IFT140: variants seen among roughly 807,000 people sequenced by gnomAD.
IFT140 encodes the protein intraflagellar transport protein 140 homolog.
Under a neutral mutation model 164.6 loss-of-function variants are expected in IFT140, and 133 were observed. The ratio of observed to expected loss-of-function variants is 0.81; its 90% confidence interval spans 0.70 to 0.93. The LOEUF (loss-of-function observed/expected upper bound fraction) is 0.93. Ranked by LOEUF, IFT140 falls within the 40% of genes least tolerant of loss-of-function variation. IFT140 has a pLI of 0.00. For missense variants in IFT140, 2,045 were observed against 1,972.3 expected, an observed-to-expected ratio of 1.04 and a Z score of -0.70; for synonymous variants, 860 against 817.3, an observed-to-expected ratio of 1.05 and a Z score of -0.89.
chr16:1,584,194 C>A (rs1385885501), intron 11 of IFT140, 23 bp downstream of exon 11: 1 of 1,604,886 alleles, frequency 6.2e-7, no homozygotes, highest in South Asian at 1.1e-5. Flanking sequence ...TGTGTCCCAC[C>A]CACGGGTCCC....
At position 1,563,921 on chromosome 16, in the gene IFT140, C is replaced by T. The variant is rs1421349370; in HGVS notation, c.2067+76G>A. 4.9e-6 allele frequency: 7 copies of T among 1,415,804 alleles called. No homozygotes were observed. In the East Asian group the frequency reaches 1.8e-4, roughly 36 times the overall value. The allele number at this position is 1,415,804 out of a possible 1,614,324, so 87.7% of individuals were successfully genotyped here. On this transcript the variant is annotated intron_variant, in intron 17 of 30. Coordinates refer to ENST00000426508, the MANE Select transcript of IFT140 (RefSeq NM_014714.4). The stretch of plus-strand genomic sequence containing the variant: ...GGATCACAGGCGTGAGCCACCGTGC[C>T]CAGCCCATGAAGATCTTAAGTCTGT...
At chr16:1,595,658 G>T (rs995044144) in intron 4 of IFT140, among the ~76,000 whole-genome samples, 1 of 150,510 alleles carries the variant, frequency 6.6e-6, no homozygotes, top group Admixed American at 6.6e-5. Flanking sequence ...GGTTTTGCAA[G>T]ATCTATTAAA....
At chr16:1,513,864 G>T (rs35773761) in intron 30 of IFT140, among the ~76,000 whole-genome samples, 1 of 138,278 alleles carries the variant, frequency 7.2e-6, no homozygotes, top group African/African-American at 2.8e-5. Flanking sequence ...TAGTAGAGAC[G>T]GGGTTTCACC....
chr16:1,566,376 A>T, intron 15 of IFT140, 85 bp from the exon 16 acceptor site: 1 of 1,365,886 alleles, frequency 7.3e-7, no homozygotes, highest in Non-Finnish European at 1.0e-6. Context: ...GACACAGCAC[A>T]TGTCAAGAGA....
chr16:1,602,481 C>T lies in IFT140; in HGVS notation c.258G>A (p.Thr86=), dbSNP rs766569165. ...LAVGWETGEV[T]VFNKQDKEQH... Reference sequence around the variant, plus strand: ...GCTCCTTGTCCTGCTTGTTAAACACCGTCACTTCTCCAGTCTCCCAGCCCA... The same window carrying T: ...GCTCCTTGTCCTGCTTGTTAAACACTGTCACTTCTCCAGTCTCCCAGCCCA... The change falls in exon 4 of 31, where the codon ACG becomes ACA. Residue 86 remains threonine, a synonymous_variant. Transcript: ENST00000426508. 25 of 1,614,192 alleles carry T rather than the reference C, an allele frequency of 1.5e-5. No homozygotes were observed. Among genetic ancestry groups the T allele is most frequent in the Non-Finnish European group, 1.9e-5 (23 of 1,180,044 alleles).
chr16:1,587,340 G>A, intron 8 of IFT140, 36 bp from the exon 9 acceptor site: 1 of 1,361,184 alleles, frequency 7.3e-7, no homozygotes, highest in Non-Finnish European at 1.1e-6. Flanking sequence ...TGGAGGGCCT[G>A]TGTTAGTGGC....
At chr16:1,572,900 C>G (rs73499708) in intron 13 of IFT140, among the ~76,000 whole-genome samples, 2,960 of 152,256 alleles carry the variant, frequency 0.019, 97 homozygotes, top group African/African-American at 0.067. Flanking sequence ...GAGTCAGATG[C>G]GAACGGCTGA....
chr16:1,562,497 C>A (rs3784838), intron 17 of IFT140, among the ~76,000 whole-genome samples: 1 of 152,078 alleles, frequency 6.6e-6, no homozygotes. Flanking sequence ...TAGCAGGCTG[C>A]GCACAGTGGC....
At chr16:1,596,877 G>C (rs185520254) in intron 4 of IFT140, among the ~76,000 whole-genome samples, 64 of 152,020 alleles carry the variant, frequency 4.2e-4, no homozygotes, top group African/African-American at 1.5e-3. Context: ...ACTCCTGAGG[G>C]GTGTCTCTCC....
chr16:1,530,892 T>G (rs1029715219), intron 19 of IFT140: 1 of 152,322 alleles, frequency 6.6e-6, no homozygotes, highest in Admixed American at 6.5e-5. Context: ...ATGTGCTGTA[T>G]GTGCGGCCAC....
rs371075195 is a variant in IFT140 at position 1,524,039 on chromosome 16, G to A, written c.3142-83C>T. On this transcript the variant is annotated intron_variant, in intron 24 of 30. Transcript: ENST00000426508. ...GAGATTCTGGAATGTGGCCGGGTGCGAACCCGCCCCTTCACTTTGACACAC... is the reference window on the plus strand; with the variant it reads ...GAGATTCTGGAATGTGGCCGGGTGCAAACCCGCCCCTTCACTTTGACACAC... 1.8e-5 allele frequency: 27 copies of A among 1,524,358 alleles called. No homozygotes were observed. In the African/African-American group the frequency reaches 1.9e-4, roughly 11 times the overall value. The allele number at this position is 1,524,358 out of a possible 1,614,324, so 94.4% of individuals were successfully genotyped here. A position where few individuals can be genotyped will look rare whatever the true frequency, so the allele number is the denominator to read the frequency against.
intron 3 of IFT140, among the ~76,000 whole-genome samples, chr16:1,602,811 G>T (rs564449872): frequency 9.2e-5 from 14 of 152,072 alleles, no homozygotes; most frequent in Non-Finnish European, 1.9e-4. Flanking sequence ...GTGATGGCGG[G>T]CGTCTGTAGT....
intron 26 of IFT140, among the ~76,000 whole-genome samples, chr16:1,521,978 T>A (rs1485369697): frequency 6.7e-6 from 1 of 149,856 alleles, no homozygotes; most frequent in Non-Finnish European, 1.5e-5. Context: ...ATCCCAGCAC[T>A]TTGGGAGGCC....
At chr16:1,546,105 T>C (rs2032149751) in intron 19 of IFT140, among the ~76,000 whole-genome samples, 1 of 152,224 alleles carries the variant, frequency 6.6e-6, no homozygotes, top group African/African-American at 2.4e-5. Context: ...GTCTTGTTGA[T>C]TTGTGCAGAT....
intron 17 of IFT140, 125 bp downstream of exon 17, chr16:1,563,872 C>A (rs1344667550): frequency 3.0e-6 from 3 of 1,006,206 alleles, no homozygotes; most frequent in Non-Finnish European, 2.7e-6. Flanking sequence ...GCGTTCCCTC[C>A]CGCCTTGGCC....
At chr16:1,561,038 G>A (rs1392251321) in intron 18 of IFT140, among the ~76,000 whole-genome samples, 1 of 152,244 alleles carries the variant, frequency 6.6e-6, no homozygotes, top group Non-Finnish European at 1.5e-5. Flanking sequence ...GAACCCCTGT[G>A]GGGCTCACAG....
intron 17 of IFT140, among the ~76,000 whole-genome samples, chr16:1,562,417 C>T (rs765585408): frequency 1.3e-5 from 2 of 152,178 alleles, no homozygotes; most frequent in African/African-American, 2.4e-5. Context: ...GTGACTGCAA[C>T]TCAAAAGAGC....
chr16:1,525,242 T>G lies in IFT140; in HGVS notation c.2853A>C (p.Lys951Asn). The change falls in exon 22 of 31, where the codon AAA becomes AAC. Residue 951 changes from lysine (K) to asparagine (N), a missense_variant. Transcript: ENST00000426508. ...DLPSLELYVN[K>N]MKDKTLWRWW... is the part of the protein sequence containing the mutation. ...GTGGGGACACTCACTTATCCTTCAT[T>G]TTATTCACGTAGAGCTCCAGGGACG... 6.2e-7 allele frequency: 1 copy of G among 1,611,962 alleles called. No individual in the cohort carries two copies.
chr16:1,512,051 C>G (rs948525092), intron 30 of IFT140, among the ~76,000 whole-genome samples: 1 of 149,710 alleles, frequency 6.7e-6, no homozygotes, highest in Admixed American at 6.7e-5. Context: ...GTGTGCAGAG[C>G]TAGCTTCGGA....
Sources: allele counts gnomAD v4.1 joint callset (sites outside exome capture counted in the v4.1 genomes callset), GRCh38; gene constraint gnomAD v4.1.1; transcripts MANE v1.5; gene names NCBI Gene and HGNC (gene_info 2026-07-23, HGNC 2026-07-21).